RNFT2: variants seen among roughly 807,000 people sequenced by gnomAD.
RNFT2 encodes E3 ubiquitin-protein ligase RNFT2.
RNFT2 carries 36 observed loss-of-function variants against 53.0 expected under a neutral mutation model. The observed-to-expected ratio is 0.68, with a 90% CI of 0.52 to 0.90. The LOEUF (loss-of-function observed/expected upper bound fraction) is 0.90, where lower values mean the gene tolerates loss of function less well. Ranked by LOEUF, RNFT2 falls within the 40% of genes least tolerant of loss-of-function variation. RNFT2 has a pLI of 0.00. For synonymous variants in RNFT2, 260 were observed against 253.2 expected, an observed-to-expected ratio of 1.03 and a Z score of -0.26; for missense variants, 514 against 585.6, an observed-to-expected ratio of 0.88 and a Z score of 1.26.
rs1877795312 is a variant in RNFT2, at chr12:116,849,421, C to T, written c.1308C>T (p.Ala436=). 1 of 1,590,014 alleles carries T rather than the reference C, an allele frequency of 6.3e-7. No individual in the cohort carries two copies. The highest frequency in any genetic ancestry group is 8.5e-7 in the Non-Finnish European group (1 of 1,171,778). The change falls in exon 11 of 11, where the codon GCC becomes GCT. Residue 436 remains alanine, a synonymous_variant. Transcript: ENST00000257575. The stretch of plus-strand genomic sequence containing the variant: ...CCCTGCGCTGCTGGAAGGACGGCGC[C>T]ACGTCCGCACACTTCCAGGTGTACT... ...VDTLRCWKDG[A]TSAHFQVY
chr12:116,833,067 C>T (rs1305495044), intron 7 of RNFT2, among the ~76,000 whole-genome samples: 5 of 151,898 alleles, frequency 3.3e-5, no homozygotes, highest in Non-Finnish European at 7.4e-5. Flanking sequence ...ATTACAGGTG[C>T]GCCACCACGC....
intron 3 of RNFT2, among the ~76,000 whole-genome samples, chr12:116,742,331 G>A (rs181313181): frequency 1.6e-4 from 24 of 146,592 alleles, no homozygotes; most frequent in Non-Finnish European, 3.0e-4. Flanking sequence ...GCAGTGGCAC[G>A]ATCTCGGCTC....
Position 116,750,166 on chromosome 12 carries a change from C to A in RNFT2, c.409C>A (p.His137Asn), listed in dbSNP as rs199608888. 8.4e-5 allele frequency: 134 copies of A among 1,592,300 alleles called. No homozygotes were observed. The highest frequency in any genetic ancestry group is 4.1e-4 in the Admixed American group (24 of 58,202). ...GCACGTGGGTGGGGACCACCGGGGG[C>A]ACTCGGAGGAGGGAGGCGACGAGCA... ...LQHVGGDHRG[H>N]SEEGGDEQPG... Residue 137 changes from histidine to asparagine, a missense_variant, in exon 4 of 11, where the codon CAC becomes AAC. By Grantham distance (68) the His-to-Asn change is moderately conservative. Coordinates refer to ENST00000257575, the MANE Select transcript of RNFT2 (RefSeq NM_001382266.1).
At chr12:116,766,982 C>T in intron 6 of RNFT2, 68 bp downstream of exon 6, 1 of 1,085,872 alleles carries the variant, frequency 9.2e-7, no homozygotes, top group Non-Finnish European at 1.4e-6. Flanking sequence ...GGCACGTACC[C>T]TTTCACTTGA....
chr12:116,802,562 A>C (rs1874849898), intron 7 of RNFT2, among the ~76,000 whole-genome samples: 1 of 152,320 alleles, frequency 6.6e-6, no homozygotes, highest in East Asian at 1.9e-4. Context: ...ATGGGGGCAG[A>C]CATTGGGAAT....
intron 7 of RNFT2, among the ~76,000 whole-genome samples, chr12:116,833,249 A>C (rs909816287): frequency 1.3e-5 from 2 of 152,168 alleles, no homozygotes; most frequent in African/African-American, 4.8e-5. Flanking sequence ...CTAGGTATTC[A>C]TCCTGCCTCC....
chr12:116,750,641 A>G (rs554621786), intron 4 of RNFT2, among the ~76,000 whole-genome samples: 1 of 151,150 alleles, frequency 6.6e-6, no homozygotes, highest in Admixed American at 6.6e-5. Context: ...GTCCCCTCCT[A>G]GTTGTGTGAT....
At chr12:116,761,568 C>T (rs1697554030) in intron 5 of RNFT2, among the ~76,000 whole-genome samples, 1 of 152,226 alleles carries the variant, frequency 6.6e-6, no homozygotes, top group Non-Finnish European at 1.5e-5. Context: ...GCACTAACTG[C>T]GTGCCCGGCA....
At chr12:116,758,383 T>C (rs974168687) in intron 5 of RNFT2, among the ~76,000 whole-genome samples, 4 of 152,232 alleles carry the variant, frequency 2.6e-5, no homozygotes, top group African/African-American at 9.6e-5. Context: ...CTGTGTACTT[T>C]GGTTTTTTCA....
At chr12:116,845,274 TAGAG>T (rs3069215) in intron 10 of RNFT2, among the ~76,000 whole-genome samples, 6,052 of 124,918 alleles carry the variant, frequency 0.048, 374 homozygotes, top group African/African-American at 0.15. Flanking sequence ...TATATATATA[TAGAG>T]AGAGAGAGAG....
chr12:116,841,958 TAGAGAGAGAG>T (rs71099003), intron 10 of RNFT2, among the ~76,000 whole-genome samples: 25 of 6,386 alleles, frequency 3.9e-3, no homozygotes, highest in African/African-American at 0.016. Flanking sequence ...AATATATATA[TAGAGAGAGAG>T]AGAGAGAGAG....
chr12:116,760,469 A>G (rs1872654054), intron 5 of RNFT2, among the ~76,000 whole-genome samples: 1 of 152,198 alleles, frequency 6.6e-6, no homozygotes, highest in Non-Finnish European at 1.5e-5. Flanking sequence ...GTGGTGCCAG[A>G]CAGGAATGGG....
At chr12:116,848,562 C>T (rs1288041279) in intron 10 of RNFT2, among the ~76,000 whole-genome samples, 1 of 152,118 alleles carries the variant, frequency 6.6e-6, no homozygotes, top group Non-Finnish European at 1.5e-5. Context: ...ATCTCCCTCT[C>T]CCATCCACCC....
intron 7 of RNFT2, among the ~76,000 whole-genome samples, chr12:116,807,364 C>T (rs959649771): frequency 5.9e-5 from 9 of 152,158 alleles, no homozygotes; most frequent in Middle Eastern, 3.4e-3. Context: ...GATGATAATA[C>T]GACGGAGTAA....
chr12:116,768,605 A>G (rs1566075437), intron 6 of RNFT2, among the ~76,000 whole-genome samples: 1 of 152,226 alleles, frequency 6.6e-6, no homozygotes. Flanking sequence ...TTGTCCTGCC[A>G]GTCATATAAA....
chr12:116,766,723 C>T lies in RNFT2; in HGVS notation c.628-91C>T. On this transcript the variant is annotated intron_variant, in intron 5 of 10. Transcript: ENST00000257575. ...AGCACCACTTCCTTCAAAATGTTGA[C>T]AAAGTGAAAAGCTGCCAGTCATCAG... is the stretch of plus-strand genomic sequence containing the variant. 3.1e-6 allele frequency: 3 copies of T among 977,422 alleles called. No individual in the cohort carries two copies. The South Asian group carries it at 4.7e-5, about 15-fold the overall frequency. 60.5% of individuals were successfully genotyped at this position (977,422 alleles called of 1,614,324 possible).
chr12:116,809,833 C>T lies in RNFT2; in HGVS notation c.883-23959C>T, dbSNP rs1875281960. Among the ~76,000 whole-genome samples the T allele has an allele frequency of 1.3e-5, 2 of 152,096 alleles. 1 individual carries two copies. The highest frequency in any genetic ancestry group is 4.2e-4 in the South Asian group (2 of 4,816). On this transcript the variant is annotated intron_variant, in intron 7 of 10. Transcript: ENST00000257575. Reference sequence around the variant, plus strand: ...GACTACAGGCACCCACCACCACGCTCAGCTAATTTTTTGTATTTTTTAGTA... The same window carrying T: ...GACTACAGGCACCCACCACCACGCTTAGCTAATTTTTTGTATTTTTTAGTA...
chr12:116,849,420 C>T lies in RNFT2; in HGVS notation c.1307C>T (p.Ala436Val). Reference sequence around the variant, plus strand: ...ACCCTGCGCTGCTGGAAGGACGGCGCCACGTCCGCACACTTCCAGGTGTAC... The same window carrying T: ...ACCCTGCGCTGCTGGAAGGACGGCGTCACGTCCGCACACTTCCAGGTGTAC... ...VDTLRCWKDG[A>V]TSAHFQVY Residue 436 changes from alanine (A) to valine (V), a missense_variant, in exon 11 of 11, where the codon GCC (alanine) becomes GTC (valine). By Grantham distance (64) the Ala-to-Val change is moderately conservative. Transcript: ENST00000257575. The T allele has an allele frequency of 6.3e-7, 1 of 1,590,006 alleles. No homozygotes were observed. Among genetic ancestry groups the T allele is most frequent in the Non-Finnish European group, 8.5e-7 (1 of 1,171,840 alleles).
chr12:116,814,835 T>C (rs10850720), intron 7 of RNFT2, among the ~76,000 whole-genome samples: 124,996 of 152,048 alleles, frequency 0.82, 52,523 homozygotes, highest in Non-Finnish European at 0.91. Context: ...TGCACCACCA[T>C]GCCCAGCTAA....
Sources: allele counts gnomAD v4.1 joint callset (sites outside exome capture counted in the v4.1 genomes callset), GRCh38; gene constraint gnomAD v4.1.1; transcripts MANE v1.5; gene names NCBI Gene and HGNC (gene_info 2026-07-23, HGNC 2026-07-21).